Variants in DENND4C observed in about 807,000 individuals in gnomAD.
DENND4C encodes the protein DENN domain-containing protein 4C.
Under a neutral mutation model 203.0 loss-of-function variants are expected in DENND4C, and 108 were observed. The ratio of observed to expected loss-of-function variants is 0.53; its 90% CI spans 0.46 to 0.62. The LOEUF (loss-of-function observed/expected upper bound fraction) is 0.62. Among genes scored for constraint, DENND4C ranks in the 20% least tolerant of loss-of-function variants. The pLI, the probability that DENND4C is intolerant of heterozygous loss-of-function variation, is 0.00. For missense variants in DENND4C, 2,481 were observed against 2,301.2 expected, an observed-to-expected ratio of 1.08 and a Z score of -1.60; for synonymous variants, 871 against 792.4, an observed-to-expected ratio of 1.10 and a Z score of -1.67.
At chr9:19,348,814 T>G (rs1823479369) in intron 23 of DENND4C, among the ~76,000 whole-genome samples, 4 of 152,140 alleles carry the variant, frequency 2.6e-5, no homozygotes, top group Non-Finnish European at 5.9e-5. Context: ...TGTATCATTT[T>G]ATTTTATTTT....
intron 2 of DENND4C, among the ~76,000 whole-genome samples, chr9:19,278,746 C>G (rs1353657703): frequency 1.3e-5 from 2 of 152,144 alleles, no homozygotes; most frequent in African/African-American, 4.8e-5. Context: ...AGTTTTCCTT[C>G]AAGTCAGTAT....
intron 2 of DENND4C, among the ~76,000 whole-genome samples, chr9:19,279,670 C>A (rs1213827936): frequency 1.3e-5 from 2 of 150,894 alleles, no homozygotes; most frequent in Non-Finnish European, 2.9e-5. Flanking sequence ...GAGTGAAACT[C>A]CTTCTCAAGA....
intron 8 of DENND4C, 57 bp downstream of exon 8, chr9:19,299,344 A>G: frequency 1.6e-6 from 2 of 1,212,464 alleles, no homozygotes; most frequent in Non-Finnish European, 1.2e-6. Flanking sequence ...ATGCTTTAAA[A>G]TATTTTAGTG....
intron 26 of DENND4C, among the ~76,000 whole-genome samples, chr9:19,353,582 T>C (rs1204738724): frequency 1.5e-4 from 22 of 149,864 alleles, no homozygotes; most frequent in Admixed American, 1.4e-3. Context: ...GAGCTGAGAT[T>C]GCACCACTGC....
chr9:19,290,730 G>A lies in DENND4C; in HGVS notation c.655G>A (p.Asp219Asn). 2 of 1,542,336 alleles carry A rather than the reference G, an allele frequency of 1.3e-6. No individual in the cohort carries two copies. The highest frequency in any genetic ancestry group is 1.8e-6 in the Non-Finnish European group (2 of 1,141,610). ...TTTAATTTTTAGATATCCAGAAGAGGACTATGAGTCATTTCCACTCTCAGA... is the reference window on the plus strand; with the variant it reads ...TTTAATTTTTAGATATCCAGAAGAGAACTATGAGTCATTTCCACTCTCAGA... Reference protein sequence around the residue: ...AGLIFRYPEEDYESFPLSESD... With the variant: ...AGLIFRYPEENYESFPLSESD... Residue 219 changes from aspartate (D) to asparagine (N), a missense_variant, in exon 5 of 33, where the codon GAC (aspartate) becomes AAC (asparagine). Physicochemically the swap from Asp to Asn is conservative, Grantham distance 23. Coordinates refer to ENST00000434457, the MANE Select transcript of DENND4C (RefSeq NM_001330640.2).
chr9:19,264,416 C>A (rs539691630), intron 1 of DENND4C, among the ~76,000 whole-genome samples: 14 of 152,204 alleles, frequency 9.2e-5, no homozygotes, highest in African/African-American at 3.4e-4. Context: ...AAGTGATTCT[C>A]CTGCCTCAGC....
intron 1 of DENND4C, among the ~76,000 whole-genome samples, chr9:19,264,155 T>C (rs1830006431): frequency 6.6e-6 from 1 of 152,222 alleles, no homozygotes; most frequent in African/African-American, 2.4e-5. Flanking sequence ...GGGAGACTTC[T>C]TACTACTGCT....
At chr9:19,365,185 T>C (rs770391446) in intron 30 of DENND4C, among the ~76,000 whole-genome samples, 1 of 152,142 alleles carries the variant, frequency 6.6e-6, no homozygotes, top group African/African-American at 2.4e-5. Context: ...TCCAGCAATA[T>C]ATAAAAATGA....
chr9:19,293,512 G>C (rs1422513039), intron 5 of DENND4C, among the ~76,000 whole-genome samples: 1 of 151,992 alleles, frequency 6.6e-6, no homozygotes, highest in Non-Finnish European at 1.5e-5. Context: ...TAAAGGCAAG[G>C]GTTCCTGTGA....
At chr9:19,259,191 T>C (rs964782556) in intron 1 of DENND4C, among the ~76,000 whole-genome samples, 1 of 152,182 alleles carries the variant, frequency 6.6e-6, no homozygotes, top group South Asian at 2.1e-4. Flanking sequence ...CTAGATCTTA[T>C]TCATTCTAAC....
chr9:19,372,324 T>G lies in DENND4C; in HGVS notation c.*151T>G. The G allele has an allele frequency of 1.1e-6, 1 of 929,830 alleles. No homozygotes were observed. The highest frequency in any genetic ancestry group is 1.7e-5 in the African/African-American group (1 of 60,532). 57.6% of individuals were successfully genotyped at this position (929,830 alleles called of 1,614,324 possible). On this transcript the variant is annotated 3_prime_UTR_variant, in exon 33 of 33. Coordinates refer to ENST00000434457, the MANE Select transcript of DENND4C (RefSeq NM_001330640.2). Reference sequence around the variant, plus strand: ...ATATATAATGAATTATGATTCATATTGCATTACCTTGAAATATGAAGTGCC... The same window carrying G: ...ATATATAATGAATTATGATTCATATGGCATTACCTTGAAATATGAAGTGCC...
At chr9:19,311,232 T>C (rs891974230) in intron 10 of DENND4C, among the ~76,000 whole-genome samples, 6 of 152,162 alleles carry the variant, frequency 3.9e-5, no homozygotes, top group Non-Finnish European at 7.3e-5. Flanking sequence ...CAAGCAATTC[T>C]TGTGCCTCAG....
Position 19,369,893 on chromosome 9 carries a change from G to A in DENND4C, c.5581G>A (p.Val1861Ile), listed in dbSNP as rs780391994. Residue 1861 changes from valine to isoleucine, a missense_variant, in exon 31 of 33, where the codon GTA becomes ATA. Val to Ile is a conservative substitution (Grantham distance 29, BLOSUM62 3). Around this residue, in one of 3 missense-constraint regions of DENND4C, gnomAD observed 2,289 missense variants for 2,113.3 expected, o/e 1.08. Coordinates refer to ENST00000434457, the MANE Select transcript of DENND4C (RefSeq NM_001330640.2). Reference sequence around the variant, plus strand: ...GGAACAACAAGAAACAAGCACTTTAGTAGAAACCATCAGGCAGAGTATTCA... The same window carrying A: ...GGAACAACAAGAAACAAGCACTTTAATAGAAACCATCAGGCAGAGTATTCA... ...SEEQQETSTLVETIRQSIQHN... is the reference protein window; with the variant it reads ...SEEQQETSTLIETIRQSIQHN... 1.2e-6 allele frequency: 2 copies of A among 1,613,606 alleles called. No individual in the cohort carries two copies. Among genetic ancestry groups the A allele is most frequent in the South Asian group, 1.1e-5 (1 of 90,964 alleles).
chr9:19,333,889 A>G (rs537958446), intron 17 of DENND4C, among the ~76,000 whole-genome samples: 1 of 152,224 alleles, frequency 6.6e-6, no homozygotes, highest in Non-Finnish European at 1.5e-5. Flanking sequence ...ATAATGTTAC[A>G]GTATATTTAA....
At chr9:19,285,440 A>G (rs893997781) in intron 2 of DENND4C, among the ~76,000 whole-genome samples, 1 of 152,092 alleles carries the variant, frequency 6.6e-6, no homozygotes, top group African/African-American at 2.4e-5. Context: ...GAAACCCCAT[A>G]CCCATTAGCA....
chr9:19,264,081 T>C (rs1588777823), intron 1 of DENND4C, among the ~76,000 whole-genome samples: 1 of 152,264 alleles, frequency 6.6e-6, no homozygotes, highest in East Asian at 1.9e-4. Flanking sequence ...GGAATGGTAT[T>C]AGTTCTTTAA....
At chr9:19,277,556 T>C (rs1159521604) in intron 2 of DENND4C, among the ~76,000 whole-genome samples, 1 of 152,150 alleles carries the variant, frequency 6.6e-6, no homozygotes, top group African/African-American at 2.4e-5. Context: ...TAATAACTTG[T>C]GGGTTCTTCG....
In DENND4C at chr9:19,326,092, G is replaced by C; in HGVS notation, c.2018G>C (p.Arg673Thr). The change falls in exon 15 of 33, where the codon AGA becomes ACA. Residue 673 changes from arginine (R) to threonine (T), a missense_variant. By Grantham distance (71) the Arg-to-Thr change is moderately conservative. This residue lies in a region of DENND4C where 2,289 missense variants were observed against 2,113.3 expected (regional missense o/e 1.08). Transcript: ENST00000434457. ...KVDFDSAEDT[R>T]LIELDDSQKS... The stretch of plus-strand genomic sequence containing the variant: ...GATTTTGATTCAGCAGAAGATACCA[G>C]ATTGATAGAACTAGATGATTCACAG... 6.2e-7 allele frequency: 1 copy of C among 1,612,054 alleles called. No individual in the cohort carries two copies. Among genetic ancestry groups the C allele is most frequent in the Non-Finnish European group, 8.5e-7 (1 of 1,179,460 alleles).
chr9:19,230,632 C>T (rs890557766), upstream of DENND4C: 2 of 152,142 alleles, frequency 1.3e-5, no homozygotes, highest in African/African-American at 2.4e-5. Context: ...GCGCTCCGGC[C>T]ATCGCCCCTG....
Sources: allele counts gnomAD v4.1 joint callset (sites outside exome capture counted in the v4.1 genomes callset), GRCh38; gene constraint gnomAD v4.1.1; regional missense constraint gnomAD v4.1.1; transcripts MANE v1.5; gene names NCBI Gene and HGNC (gene_info 2026-07-23, HGNC 2026-07-21).